Variants in BIRC6 observed in about 807,000 individuals in gnomAD.
BIRC6 encodes the protein dual E2 ubiquitin-conjugating enzyme/E3 ubiquitin-protein ligase BIRC6.
BIRC6 carries 98 observed loss-of-function variants against 503.3 expected under a neutral mutation model. The observed-to-expected ratio is 0.19, with a 90% CI of 0.17 to 0.23. The LOEUF (loss-of-function observed/expected upper bound fraction) is 0.23, where lower values mean the gene tolerates loss of function less well. BIRC6 is among the 10% of genes least tolerant of loss of function. BIRC6 has a pLI of 1.00. For synonymous variants in BIRC6, 2,240 were observed against 2,078.7 expected (o/e 1.08, Z -2.11); for missense variants, 5,360 against 5,806.0 (o/e 0.92, Z 2.50).
chr2:32,401,807 A>T (rs533804594), intron 8 of BIRC6, among the ~76,000 whole-genome samples, 184 bp downstream of exon 8: 7 of 152,318 alleles, frequency 4.6e-5, no homozygotes, highest in African/African-American at 1.4e-4. Flanking sequence ...ATTCAGAAAC[A>T]CCGTAGTTTA....
At position 32,618,076 on chromosome 2, in the gene BIRC6, G is replaced by GC; in HGVS notation, c.*172_*173insC. ...TGATCTTTTATTTACCTGTACAGGAGTGTAAACTTTTTTGTGCTTTTATTT... is the reference window on the plus strand; with the variant it reads ...TGATCTTTTATTTACCTGTACAGGAGCTGTAAACTTTTTTGTGCTTTTATTT... On this transcript the variant is annotated 3_prime_UTR_variant, in exon 74 of 74. Transcript: ENST00000421745. The GC allele has an allele frequency of 1.7e-6, 1 of 586,314 alleles. No homozygotes were observed. Among genetic ancestry groups the GC allele is most frequent in the Non-Finnish European group, 2.7e-6 (1 of 375,966 alleles). The allele number at this position is 586,314 out of a possible 1,614,324, so 36.3% of individuals were successfully genotyped here.
chr2:32,506,438 T>C (rs2053802059), intron 50 of BIRC6, among the ~76,000 whole-genome samples: 1 of 152,246 alleles, frequency 6.6e-6, no homozygotes, highest in South Asian at 2.1e-4. Flanking sequence ...GAAAATATGC[T>C]AGTACACGGT....
intron 23 of BIRC6, among the ~76,000 whole-genome samples, chr2:32,459,416 T>G (rs193162396): frequency 6.1e-4 from 92 of 151,856 alleles, no homozygotes; most frequent in Admixed American, 2.9e-3. Flanking sequence ...TGTTTTTTGT[T>G]TTTGTTTTTT....
chr2:32,545,373 A>C (rs1336972241), intron 62 of BIRC6, among the ~76,000 whole-genome samples: 1 of 152,196 alleles, frequency 6.6e-6, no homozygotes, highest in East Asian at 1.9e-4. Flanking sequence ...CTAGTTCGTA[A>C]TAATTTTGAC....
At chr2:32,490,537 A>C (rs1200093344) in intron 43 of BIRC6, among the ~76,000 whole-genome samples, 1 of 152,196 alleles carries the variant, frequency 6.6e-6, no homozygotes, top group South Asian at 2.1e-4. Context: ...TCTGTCTCCA[A>C]TAAAAGTGAC....
intron 65 of BIRC6, among the ~76,000 whole-genome samples, chr2:32,561,389 G>C (rs1487949988): frequency 6.6e-6 from 1 of 151,890 alleles, no homozygotes; most frequent in African/African-American, 2.4e-5. Context: ...CTACAGGCGT[G>C]TCAGCACGCC....
In BIRC6 at chr2:32,500,038, A is replaced by G. The variant is rs1279382264; in HGVS notation, c.8960A>G (p.Asn2987Ser). The change falls in exon 46 of 74, where the codon AAC becomes AGC. Residue 2987 changes from asparagine (N) to serine (S), a missense_variant. Physicochemically the swap from Asn to Ser is conservative, Grantham distance 46. Coordinates refer to ENST00000421745, the MANE Select transcript of BIRC6 (RefSeq NM_016252.4). ...TATGTTGCTGACTTAGTCTTAGCCAACCAACAAATTATGAGCCAGATTTTG... is the reference window on the plus strand; with the variant it reads ...TATGTTGCTGACTTAGTCTTAGCCAGCCAACAAATTATGAGCCAGATTTTG... The part of the protein sequence containing the change: ...PAYVADLVLA[N>S]QQIMSQILSA... 6.2e-7 allele frequency: 1 copy of G among 1,614,000 alleles called. No individual in the cohort carries two copies. The highest frequency in any genetic ancestry group is 1.1e-5 in the South Asian group (1 of 91,078).
chr2:32,455,379 CAAAA>C (rs758202958), intron 23 of BIRC6, among the ~76,000 whole-genome samples: 1 of 88,736 alleles, frequency 1.1e-5, no homozygotes, highest in Non-Finnish European at 2.2e-5. Context: ...ACTCTGTCTC[CAAAA>C]AAAAAAAAAA....
At chr2:32,471,860 G>T (rs1004293613) in intron 32 of BIRC6, among the ~76,000 whole-genome samples, 1 of 152,088 alleles carries the variant, frequency 6.6e-6, no homozygotes, top group African/African-American at 2.4e-5. Context: ...TCTGTACATT[G>T]TCAGGAACTC....
At chr2:32,358,205 C>T (rs565560008) in intron 1 of BIRC6, among the ~76,000 whole-genome samples, 3 of 152,192 alleles carry the variant, frequency 2.0e-5, no homozygotes, top group African/African-American at 7.2e-5. Flanking sequence ...ACGAGAAAGT[C>T]AGGACCTGTG....
At chr2:32,576,620 G>A (rs754430619) in intron 66 of BIRC6, among the ~76,000 whole-genome samples, 3 of 152,244 alleles carry the variant, frequency 2.0e-5, no homozygotes, top group South Asian at 2.1e-4. Context: ...TTAAGAAATA[G>A]TGTAGATCAA....
At chr2:32,488,035 C>G (rs2051210157) in intron 41 of BIRC6, among the ~76,000 whole-genome samples, 1 of 6,292 alleles carries the variant, frequency 1.6e-4, no homozygotes, top group Non-Finnish European at 2.9e-4. Context: ...TACACATACA[C>G]ACAGCTGTGA....
chr2:32,425,572 AT>A (rs1261093632), intron 10 of BIRC6, among the ~76,000 whole-genome samples: 3 of 150,880 alleles, frequency 2.0e-5, no homozygotes, highest in African/African-American at 7.3e-5. Context: ...ACTCTGGGAG[AT>A]TTTGCTTGTT....
intron 65 of BIRC6, among the ~76,000 whole-genome samples, chr2:32,559,231 A>C (rs1260236865): frequency 2.0e-5 from 3 of 152,250 alleles, no homozygotes; most frequent in Non-Finnish European, 4.4e-5. Context: ...ATAAATCAGC[A>C]AACAGGCCCT....
At position 32,443,847 on chromosome 2, in the gene BIRC6, C is replaced by T. The variant is rs531726460; in HGVS notation, c.4336+259C>T. Among the ~76,000 whole-genome samples, 9 of 152,278 alleles carry T rather than the reference C, an allele frequency of 5.9e-5. No individual in the cohort carries two copies. The South Asian group carries it at 1.9e-3, about 32-fold the overall frequency. On this transcript the variant is annotated intron_variant, in intron 20 of 73. Coordinates refer to ENST00000421745, the MANE Select transcript of BIRC6 (RefSeq NM_016252.4). ...ATAACTATTTTTCTGTACTTCATTA[C>T]AATCATTGAGTTGTTTGGTTGTTTA...
intron 53 of BIRC6, among the ~76,000 whole-genome samples, chr2:32,512,537 AT>A (rs1375312605): frequency 6.6e-6 from 1 of 152,186 alleles, no homozygotes; most frequent in Non-Finnish European, 1.5e-5. Context: ...CTTAAAAAAA[AT>A]ATGTAAGTGT....
intron 65 of BIRC6, among the ~76,000 whole-genome samples, chr2:32,552,771 T>A (rs893323557): frequency 1.3e-5 from 2 of 152,042 alleles, no homozygotes; most frequent in African/African-American, 4.8e-5. Context: ...CATTCCAGCA[T>A]GGGTGACAGA....
At chr2:32,423,661 G>T (rs1471718670) in intron 10 of BIRC6, among the ~76,000 whole-genome samples, 1 of 152,054 alleles carries the variant, frequency 6.6e-6, no homozygotes, top group South Asian at 2.1e-4. Context: ...TTCCATTACA[G>T]TAGGGCCCAT....
At chr2:32,478,408 A>G (rs1289704557) in intron 35 of BIRC6, among the ~76,000 whole-genome samples, 1 of 152,180 alleles carries the variant, frequency 6.6e-6, no homozygotes, top group Non-Finnish European at 1.5e-5. Context: ...GTTCGTAGAA[A>G]TTTAATTCTT....
Sources: allele counts gnomAD v4.1 joint callset (sites outside exome capture counted in the v4.1 genomes callset), GRCh38; gene constraint gnomAD v4.1.1; transcripts MANE v1.5; gene names NCBI Gene and HGNC (gene_info 2026-07-23, HGNC 2026-07-21).